Variants in DEPTOR observed in about 807,000 individuals in gnomAD.
DEPTOR encodes the protein DEP domain containing MTOR interacting protein.
In DEPTOR, 41 loss-of-function variants were observed where a neutral mutation model predicts 41.6. That is an observed-to-expected ratio of 0.98 (90% CI 0.77 to 1.28). The LOEUF is 1.28. Ranked by LOEUF, DEPTOR falls within the 50% of genes most tolerant of loss-of-function variation. The pLI is 0.00. For synonymous variants in DEPTOR, 195 were observed against 192.3 expected, an observed-to-expected ratio of 1.01 and a Z score of -0.12; for missense variants, 514 against 527.9, an observed-to-expected ratio of 0.97 and a Z score of 0.26.
intron 3 of DEPTOR, among the ~76,000 whole-genome samples, chr8:119,963,027 TTGAGAAATCTA>T (rs1257291288): frequency 6.6e-6 from 1 of 152,118 alleles, no homozygotes; most frequent in East Asian, 1.9e-4. Flanking sequence ...TGAGATGGCT[TTGAGAAATCTA>T]TGTGGATGCA....
chr8:119,937,035 TATAA>T (rs1239642683), intron 3 of DEPTOR, among the ~76,000 whole-genome samples: 2 of 151,066 alleles, frequency 1.3e-5, no homozygotes, highest in Non-Finnish European at 3.0e-5. Context: ...AAAATAATAA[TATAA>T]ATAAATAAAG....
chr8:119,880,311 G>A (rs1156917074), intron 1 of DEPTOR, among the ~76,000 whole-genome samples: 1 of 152,010 alleles, frequency 6.6e-6, no homozygotes, highest in Admixed American at 6.6e-5. Context: ...GTATGGTAAT[G>A]CCTTTAATCT....
intron 1 of DEPTOR, among the ~76,000 whole-genome samples, chr8:119,903,628 G>A (rs1827623238): frequency 6.6e-6 from 1 of 152,172 alleles, no homozygotes; most frequent in South Asian, 2.1e-4. Context: ...GATGAGAACT[G>A]ACAGTCTTGG....
In DEPTOR at chr8:120,050,686, C is replaced by A. The variant is rs943820294; in HGVS notation, c.*982C>A. 4.6e-5 allele frequency: 7 copies of A among 152,004 alleles called. No homozygotes were observed. The highest frequency in any genetic ancestry group is 1.7e-4 in the African/African-American group (7 of 41,366). The allele number at this position is 152,004 out of a possible 1,614,324, so 9.4% of individuals were successfully genotyped here. Reference sequence around the variant, plus strand: ...GCTTATTTGGGGGGATTATTTTTCACCAAAATGATCATCTTGTGTTGTAAC... The same window carrying A: ...GCTTATTTGGGGGGATTATTTTTCAACAAAATGATCATCTTGTGTTGTAAC... On this transcript the variant is annotated 3_prime_UTR_variant, in exon 9 of 9. Coordinates refer to ENST00000286234, the MANE Select transcript of DEPTOR (RefSeq NM_022783.4).
intron 3 of DEPTOR, among the ~76,000 whole-genome samples, chr8:119,940,760 T>C (rs1828192700): frequency 6.6e-6 from 1 of 151,930 alleles, no homozygotes; most frequent in African/African-American, 2.4e-5. Context: ...AGAATAATAA[T>C]TTTAAAAAAA....
At chr8:120,019,949 T>C (rs947791447) in intron 8 of DEPTOR, among the ~76,000 whole-genome samples, 2 of 152,146 alleles carry the variant, frequency 1.3e-5, no homozygotes, top group Admixed American at 6.6e-5. Flanking sequence ...ACCAAGGTCC[T>C]TTCTGACTGA....
chr8:120,002,791 A>AAAAAAAATATATAT lies in DEPTOR; in HGVS notation c.791-185_791-184insAAAAAATATATATA. Among the ~76,000 whole-genome samples the AAAAAAAATATATAT allele has an allele frequency of 8.3e-3, 502 of 60,586 alleles. 10 individuals carry two copies. Among genetic ancestry groups the AAAAAAAATATATAT allele is most frequent in the Non-Finnish European group, 0.012 (431 of 34,734 alleles). 39.7% of individuals were successfully genotyped at this position (60,586 alleles called of 152,430 possible). ...GACTCCATCTCAAAAAAAAAAAAAAAATATATATATATATATATATAATAT... is the reference window on the plus strand; with the variant it reads ...GACTCCATCTCAAAAAAAAAAAAAAAAAAAAAATATATATATATATATATATATATATATAATAT... On this transcript the variant is annotated intron_variant, in intron 5 of 8. Transcript: ENST00000286234.
rs1056167965 is a variant in DEPTOR, at chr8:119,957,222, T to G, written c.426-8010T>G. 2.0e-5 allele frequency among the ~76,000 whole-genome samples: 3 copies of G among 152,188 alleles called. No homozygotes were observed. The South Asian group carries it at 6.2e-4, about 31-fold the overall frequency. On this transcript the variant is annotated intron_variant, in intron 3 of 8. Transcript: ENST00000286234. Reference sequence around the variant, plus strand: ...TTTTTAGTATATACTTGGATAATGATGTATAGCAGGAGAATGCATATAATT... The same window carrying G: ...TTTTTAGTATATACTTGGATAATGAGGTATAGCAGGAGAATGCATATAATT...
At chr8:119,879,971 G>A (rs945279447) in intron 1 of DEPTOR, among the ~76,000 whole-genome samples, 4 of 151,948 alleles carry the variant, frequency 2.6e-5, no homozygotes, top group East Asian at 3.9e-4. Context: ...GTGAAACCTC[G>A]TCTCTACTAA....
intron 1 of DEPTOR, among the ~76,000 whole-genome samples, chr8:119,900,353 A>ATTGT (rs1456497026): frequency 1.6e-5 from 1 of 61,936 alleles, no homozygotes; most frequent in African/African-American, 4.8e-5. Context: ...AAAAAAAAAA[A>ATTGT]CTAAATGTCT....
chr8:120,003,632 C>G (rs1812390334), intron 6 of DEPTOR, among the ~76,000 whole-genome samples: 1 of 151,238 alleles, frequency 6.6e-6, no homozygotes, highest in Non-Finnish European at 1.5e-5. Flanking sequence ...TGCATAAGAT[C>G]TGTTGGGGCC....
At chr8:119,931,271 G>C (rs937722904) in intron 3 of DEPTOR, among the ~76,000 whole-genome samples, 4 of 152,072 alleles carry the variant, frequency 2.6e-5, no homozygotes, top group African/African-American at 9.7e-5. Context: ...CAGTGGTTGG[G>C]GGTAAGGGTC....
intron 1 of DEPTOR, among the ~76,000 whole-genome samples, chr8:119,908,097 G>T (rs539096437): frequency 6.6e-6 from 1 of 152,152 alleles, no homozygotes; most frequent in Non-Finnish European, 1.5e-5. Flanking sequence ...AAAAGTGGAG[G>T]CCGAAGGAGT....
At chr8:120,018,871 C>G (rs369789471) in intron 8 of DEPTOR, among the ~76,000 whole-genome samples, 80 of 152,312 alleles carry the variant, frequency 5.3e-4, no homozygotes, top group African/African-American at 1.9e-3. Context: ...GTGCCAGGCT[C>G]TGATGCCCTC....
rs111827114 is a variant in DEPTOR at position 119,939,334 on chromosome 8, A to G, written c.425+9396A>G. 6.4e-4 allele frequency among the ~76,000 whole-genome samples: 97 copies of G among 152,300 alleles called. 1 individual carries two copies. The highest frequency in any genetic ancestry group is 2.2e-3 in the African/African-American group (90 of 41,578). On this transcript the variant is annotated intron_variant, in intron 3 of 8. Coordinates refer to ENST00000286234, the MANE Select transcript of DEPTOR (RefSeq NM_022783.4). ...GGCAGCCTCATGTCTAGTTTCATCC[A>G]GGTAGCTGAGCTCAGTCCTCTTTCC...
At chr8:119,960,740 T>C (rs1828479320) in intron 3 of DEPTOR, among the ~76,000 whole-genome samples, 1 of 152,236 alleles carries the variant, frequency 6.6e-6, no homozygotes, top group East Asian at 1.9e-4. Flanking sequence ...TCCCAGCACG[T>C]TGGAAGGCTG....
At chr8:119,893,721 G>A (rs1827479313) in intron 1 of DEPTOR, among the ~76,000 whole-genome samples, 1 of 151,986 alleles carries the variant, frequency 6.6e-6, no homozygotes, top group Non-Finnish European at 1.5e-5. Flanking sequence ...CCAACTACTC[G>A]GGAGGCTGAG....
rs1354830090 is a variant in DEPTOR, at chr8:119,970,348, AT to A, written c.604+4941del. ...TGTGGCATTAGTATTATTATTGCAGATTTACAGTGAAGAAATCTGGTCTTCA... is the reference window on the plus strand; with the variant it reads ...TGTGGCATTAGTATTATTATTGCAGATTACAGTGAAGAAATCTGGTCTTCA... On this transcript the variant is annotated intron_variant, in intron 4 of 8. Coordinates refer to ENST00000286234, the MANE Select transcript of DEPTOR (RefSeq NM_022783.4). 1.2e-4 allele frequency among the ~76,000 whole-genome samples: 18 copies of A among 152,292 alleles called. No individual in the cohort carries two copies. In the East Asian group the frequency reaches 3.5e-3, roughly 29 times the overall value.
At chr8:119,948,283 G>A (rs1828308023) in intron 3 of DEPTOR, among the ~76,000 whole-genome samples, 1 of 152,080 alleles carries the variant, frequency 6.6e-6, no homozygotes, top group Admixed American at 6.6e-5. Context: ...CATCATGGCA[G>A]GTGCCTGTAA....
Sources: gnomAD v4.1 joint callset for allele counts (sites outside exome capture counted in the v4.1 genomes callset) on GRCh38, gnomAD v4.1.1 for gene constraint, MANE v1.5 for transcripts, NCBI Gene and HGNC (gene_info 2026-07-23, HGNC 2026-07-21) for gene names.